Variants in GRIK2 observed in about 807,000 individuals in gnomAD.
GRIK2 encodes glutamate receptor ionotropic, kainate 2.
A neutral mutation model predicts 100.3 loss-of-function variants in GRIK2; 32 were observed. The observed-to-expected ratio is 0.32, with a 90% CI of 0.24 to 0.43. The LOEUF (loss-of-function observed/expected upper bound fraction) is 0.43. Ranked by LOEUF, GRIK2 falls within the 20% of genes least tolerant of loss-of-function variation. The pLI is 1.00. For synonymous variants in GRIK2, 417 were observed against 389.4 expected, an observed-to-expected ratio of 1.07 and a Z score of -0.83; for missense variants, 843 against 1,114.9, an observed-to-expected ratio of 0.76 and a Z score of 3.47.
At chr6:101,513,955 A>C (rs1049676992) in intron 2 of GRIK2, among the ~76,000 whole-genome samples, 6 of 152,150 alleles carry the variant, frequency 3.9e-5, no homozygotes, top group African/African-American at 1.4e-4. Context: ...GAGATCAACA[A>C]ATCAAAAAAT....
chr6:101,752,886 G>A (rs1421288689), intron 7 of GRIK2, among the ~76,000 whole-genome samples: 7 of 152,056 alleles, frequency 4.6e-5, no homozygotes, highest in Admixed American at 1.3e-4. Flanking sequence ...ACAAATCTCC[G>A]AAAGAGAAAA....
chr6:101,639,518 T>C (rs1176616481), intron 4 of GRIK2, among the ~76,000 whole-genome samples: 1 of 152,150 alleles, frequency 6.6e-6, no homozygotes, highest in Non-Finnish European at 1.5e-5. Flanking sequence ...TATAGTTCAG[T>C]GTAAGGACTT....
chr6:101,718,324 T>C (rs995720773), intron 7 of GRIK2, among the ~76,000 whole-genome samples: 4 of 151,838 alleles, frequency 2.6e-5, no homozygotes, highest in African/African-American at 9.7e-5. Context: ...GGGTGCCAGA[T>C]ACAAATTATG....
At chr6:101,917,020 T>TA (rs1789159601) in intron 12 of GRIK2, among the ~76,000 whole-genome samples, 1 of 151,540 alleles carries the variant, frequency 6.6e-6, no homozygotes, top group African/African-American at 2.4e-5. Context: ...ACTTAACAGA[T>TA]AGGTGGTAAG....
chr6:101,996,450 C>T (rs1299664976), intron 14 of GRIK2, among the ~76,000 whole-genome samples: 8 of 151,934 alleles, frequency 5.3e-5, no homozygotes, highest in Admixed American at 3.9e-4. Context: ...ATTACTTTTA[C>T]AGATAACCAA....
At chr6:101,882,459 T>C (rs545848868) in intron 11 of GRIK2, among the ~76,000 whole-genome samples, 1 of 152,256 alleles carries the variant, frequency 6.6e-6, no homozygotes, top group Non-Finnish European at 1.5e-5. Flanking sequence ...TTGTCATTAA[T>C]GGCAAGTTTG....
chr6:102,022,130 TATA>T (rs1769456933), intron 14 of GRIK2, among the ~76,000 whole-genome samples: 1 of 118,188 alleles, frequency 8.5e-6, no homozygotes, highest in African/African-American at 4.0e-5. Context: ...AGTCTGTCTA[TATA>T]ACACACACAT....
intron 14 of GRIK2, among the ~76,000 whole-genome samples, chr6:102,031,273 AT>A (rs1769985443): frequency 6.6e-6 from 1 of 150,882 alleles, no homozygotes; most frequent in South Asian, 2.1e-4. Flanking sequence ...TGCAAATCTG[AT>A]TTCATCATCC....
chr6:101,595,716 G>GTATATATATATA (rs751726535), intron 2 of GRIK2, among the ~76,000 whole-genome samples: 24 of 133,786 alleles, frequency 1.8e-4, no homozygotes, highest in Middle Eastern at 3.6e-3. Context: ...GTGTGTGTGT[G>GTATATATATATA]TGTATATATA....
At chr6:101,402,231 C>A (rs1468395533) in intron 2 of GRIK2, among the ~76,000 whole-genome samples, 1 of 152,170 alleles carries the variant, frequency 6.6e-6, no homozygotes, top group Non-Finnish European at 1.5e-5. Context: ...ATGGCACACA[C>A]AATAACACAC....
At chr6:102,005,369 A>C (rs1446367826) in intron 14 of GRIK2, among the ~76,000 whole-genome samples, 1 of 152,004 alleles carries the variant, frequency 6.6e-6, no homozygotes, top group Non-Finnish European at 1.5e-5. Context: ...GGGACTTCTT[A>C]TTTATAAATT....
chr6:101,943,351 G>A (rs1463663845), intron 14 of GRIK2, among the ~76,000 whole-genome samples: 4 of 152,236 alleles, frequency 2.6e-5, no homozygotes, highest in Non-Finnish European at 4.4e-5. Context: ...GAGGGGAAAT[G>A]TGGGGTTGGA....
At chr6:101,572,922 C>G (rs1777621396) in intron 2 of GRIK2, among the ~76,000 whole-genome samples, 1 of 151,690 alleles carries the variant, frequency 6.6e-6, no homozygotes, top group Non-Finnish European at 1.5e-5. Flanking sequence ...GACCTTGGCT[C>G]CCTGCAACCT....
intron 2 of GRIK2, among the ~76,000 whole-genome samples, chr6:101,589,507 T>A (rs1199240802): frequency 6.6e-6 from 1 of 152,114 alleles, no homozygotes; most frequent in Non-Finnish European, 1.5e-5. Flanking sequence ...TCTACATCTA[T>A]GAGATCAACT....
At chr6:101,749,133 G>A (rs1583068501) in intron 7 of GRIK2, among the ~76,000 whole-genome samples, 2 of 152,144 alleles carry the variant, frequency 1.3e-5, no homozygotes, top group Non-Finnish European at 2.9e-5. Flanking sequence ...TTTTGAGACA[G>A]AGTCTGCCTC....
chr6:101,711,797 G>A (rs543323667), intron 7 of GRIK2, among the ~76,000 whole-genome samples: 14 of 150,618 alleles, frequency 9.3e-5, no homozygotes, highest in Non-Finnish European at 1.9e-4. Flanking sequence ...GCATTTTCAT[G>A]TATTCTGGGC....
chr6:102,055,710 C>T, intron 16 of GRIK2, 130 bp downstream of exon 16: 1 of 606,522 alleles, frequency 1.6e-6, no homozygotes, highest in Non-Finnish European at 2.9e-6. Flanking sequence ...TGTCTTATGT[C>T]ATTCATTACA....
intron 7 of GRIK2, among the ~76,000 whole-genome samples, chr6:101,766,157 T>C (rs1373484730): frequency 6.6e-6 from 1 of 152,062 alleles, no homozygotes; most frequent in Non-Finnish European, 1.5e-5. Context: ...GGAACATATT[T>C]GCCTGATATA....
At chr6:102,064,019 G>T in intron 16 of GRIK2, 1 of 1,529,682 alleles carries the variant, frequency 6.5e-7, no homozygotes, top group South Asian at 1.1e-5. Context: ...GTAATCTTTT[G>T]AAACTTACTA....
Sources: gnomAD v4.1 joint callset for allele counts (sites outside exome capture counted in the v4.1 genomes callset) on GRCh38, gnomAD v4.1.1 for gene constraint, MANE v1.5 for transcripts, NCBI Gene and HGNC (gene_info 2026-07-23, HGNC 2026-07-21) for gene names.